The following NRP1 variants were observed in gnomAD, a reference collection of about 807,000 sequenced individuals.
NRP1 encodes neuropilin 1, also known as neuropilin-1.
In NRP1, 35 loss-of-function variants were observed where a neutral mutation model predicts 106.7. That is an observed-to-expected ratio of 0.33 (90% CI 0.25 to 0.43). The LOEUF is 0.43. NRP1 is among the 20% of genes least tolerant of loss of function. The pLI is 1.00. For missense variants in NRP1, 1,024 were observed against 1,170.4 expected, an observed-to-expected ratio of 0.87 and a Z score of 1.83; for synonymous variants, 437 against 417.9, an observed-to-expected ratio of 1.05 and a Z score of -0.56.
intron 3 of NRP1, among the ~76,000 whole-genome samples, chr10:33,270,469 G>A (rs1420167093): frequency 6.6e-6 from 1 of 151,956 alleles, no homozygotes; most frequent in Non-Finnish European, 1.5e-5. Context: ...TGGGATTACT[G>A]GCATATGCCA....
At chr10:33,181,575 T>C in intron 16 of NRP1, among the ~76,000 whole-genome samples, 1 of 152,222 alleles carries the variant, frequency 6.6e-6, no homozygotes, top group Admixed American at 6.5e-5. Flanking sequence ...CAATGCTGGC[T>C]GGGAGATCTG....
At chr10:33,214,511 C>G (rs1392963792) in intron 8 of NRP1, among the ~76,000 whole-genome samples, 1 of 152,158 alleles carries the variant, frequency 6.6e-6, no homozygotes, top group Non-Finnish European at 1.5e-5. Context: ...CTTGTTGCTA[C>G]CTTCCTTTCT....
intron 2 of NRP1, among the ~76,000 whole-genome samples, chr10:33,308,152 G>C (rs1459797563): frequency 6.6e-6 from 1 of 152,154 alleles, no homozygotes; most frequent in East Asian, 1.9e-4. Context: ...ATTTATAAGT[G>C]GGAGCTAAAC....
At chr10:33,182,498 C>T (rs1835748250) in intron 16 of NRP1, among the ~76,000 whole-genome samples, 200 bp downstream of exon 16, 1 of 152,094 alleles carries the variant, frequency 6.6e-6, no homozygotes, top group African/African-American at 2.4e-5. Context: ...CGAGGCTCCC[C>T]AAGTCTTATG....
chr10:33,298,433 A>G (rs1049910805), intron 2 of NRP1, among the ~76,000 whole-genome samples: 1 of 152,152 alleles, frequency 6.6e-6, no homozygotes, highest in African/African-American at 2.4e-5. Context: ...CTGGAAGACG[A>G]TGGGCCCATT....
chr10:33,180,849 G>C (rs1217766747), intron 16 of NRP1, among the ~76,000 whole-genome samples: 1 of 152,292 alleles, frequency 6.6e-6, no homozygotes, highest in Non-Finnish European at 1.5e-5. Flanking sequence ...GCATGTGTTT[G>C]TTCTCCCATA....
chr10:33,217,175 G>A (rs1456735331), intron 8 of NRP1, among the ~76,000 whole-genome samples: 1 of 152,154 alleles, frequency 6.6e-6, no homozygotes, highest in Non-Finnish European at 1.5e-5. Flanking sequence ...GGGACCAGAT[G>A]TTACCATTTG....
rs61760419 is a variant in NRP1, at chr10:33,207,593, G to A, written c.1738C>T (p.Leu580=). ...THGGLGLRME[L]LGCEVEAPTA... The stretch of plus-strand genomic sequence containing the variant: ...TTACCTTCCACTTCACAGCCCAGCA[G>A]CTCCATTCTGAGCCCCAGTCCGCCA... Residue 580 remains leucine, a synonymous_variant, in exon 10 of 17, where the codon CTG becomes TTG. Coordinates refer to ENST00000374867, the MANE Select transcript of NRP1 (RefSeq NM_003873.7). The A allele has an allele frequency of 4.4e-4, 716 of 1,614,196 alleles. 8 individuals are homozygous for A. The African/African-American group carries it at 8.5e-3, about 19-fold the overall frequency.
chr10:33,190,753 T>C (rs1302157845), intron 13 of NRP1, among the ~76,000 whole-genome samples: 1 of 152,134 alleles, frequency 6.6e-6, no homozygotes, highest in Admixed American at 6.5e-5. Flanking sequence ...AGTTCATGGA[T>C]TGGGCGTTTG....
In NRP1 at chr10:33,213,528, T is replaced by C. The variant is rs1564388155; in HGVS notation, c.1472A>G (p.Glu491Gly). Reference sequence around the variant, plus strand: ...GATGATGCCCCTCACGATCTTCTCCTCCCCCAGGTCTATTTGGAGCCACTC... The same window carrying C: ...GATGATGCCCCTCACGATCTTCTCCCCCCCCAGGTCTATTTGGAGCCACTC... Reference protein sequence around the residue: ...INEWLQIDLGEEKIVRGIIIQ... With the variant: ...INEWLQIDLGGEKIVRGIIIQ... The change falls in exon 9 of 17, where the codon GAG becomes GGG. Residue 491 changes from glutamate (E) to glycine (G), a missense_variant. Glu to Gly is a moderately conservative substitution (Grantham distance 98). Transcript: ENST00000374867. The C allele has an allele frequency of 6.2e-7, 1 of 1,613,852 alleles. No individual in the cohort carries two copies. The highest frequency in any genetic ancestry group is 8.5e-7 in the Non-Finnish European group (1 of 1,179,962).
chr10:33,242,910 T>G (rs1564415580), intron 6 of NRP1, among the ~76,000 whole-genome samples: 1 of 152,226 alleles, frequency 6.6e-6, no homozygotes, highest in Non-Finnish European at 1.5e-5. Context: ...GTTAGTATTA[T>G]GGCCTACAAA....
rs746998077 is a variant in NRP1 at position 33,263,682 on chromosome 10, A to G, written c.622T>C (p.Tyr208His). 6.2e-7 allele frequency: 1 copy of G among 1,614,100 alleles called. No homozygotes were observed. The highest frequency in any genetic ancestry group is 1.7e-5 in the Admixed American group (1 of 60,026). Residue 208 changes from tyrosine to histidine, a missense_variant, in exon 4 of 17, where the codon TAC (tyrosine) becomes CAC (histidine). Coordinates refer to ENST00000374867, the MANE Select transcript of NRP1 (RefSeq NM_003873.7). The stretch of plus-strand genomic sequence containing the variant: ...CCATCCCAGATTTCTAGCCGGTCGT[A>G]GCGACAGAACATCCCCCCTGGAGGA... ...SNPPGGMFCRYDRLEIWDGFP... is the reference protein window; with the variant it reads ...SNPPGGMFCRHDRLEIWDGFP...
intron 2 of NRP1, among the ~76,000 whole-genome samples, chr10:33,295,744 TG>T (rs1343615829): frequency 5.9e-5 from 9 of 152,144 alleles, no homozygotes; most frequent in African/African-American, 2.2e-4. Context: ...TATTATATTT[TG>T]GGGGTACACC....
Position 33,200,688 on chromosome 10 carries a change from T to C in NRP1, c.1864+2203A>G, listed in dbSNP as rs187235512. ...CCTATGCCAGAATTAGCAAAAAGGA[T>C]GCAAAATTGCTTGTGAGCATAGGAG... On this transcript the variant is annotated intron_variant, in intron 11 of 16. Coordinates refer to ENST00000374867, the MANE Select transcript of NRP1 (RefSeq NM_003873.7). Among the ~76,000 whole-genome samples the C allele has an allele frequency of 2.6e-5, 4 of 152,346 alleles. No homozygotes were observed. In the East Asian group the frequency reaches 7.7e-4, roughly 29 times the overall value.
intron 6 of NRP1, among the ~76,000 whole-genome samples, chr10:33,238,648 GA>G (rs1216855650): frequency 6.6e-6 from 1 of 152,140 alleles, no homozygotes; most frequent in Admixed American, 6.5e-5. Context: ...GCATATGGTG[GA>G]AAAAAGCACA....
chr10:33,257,712 T>A (rs558399096), intron 4 of NRP1, among the ~76,000 whole-genome samples: 1 of 152,204 alleles, frequency 6.6e-6, no homozygotes, highest in Admixed American at 6.5e-5. Flanking sequence ...ACCCTGGCAA[T>A]GAGTAAACTG....
chr10:33,232,978 C>T (rs550164822), intron 6 of NRP1, among the ~76,000 whole-genome samples: 161 of 152,122 alleles, frequency 1.1e-3, no homozygotes, highest in African/African-American at 3.7e-3. Flanking sequence ...TAATACATAG[C>T]GCCGTTGGCA....
intron 2 of NRP1, among the ~76,000 whole-genome samples, chr10:33,315,922 A>G (rs1202073514): frequency 6.6e-6 from 1 of 152,222 alleles, no homozygotes; most frequent in African/African-American, 2.4e-5. Flanking sequence ...AGCTTCAAGA[A>G]CTAGAAAGTG....
At chr10:33,194,588 T>C (rs1483895908) in intron 12 of NRP1, 2 of 368,242 alleles carry the variant, frequency 5.4e-6, no homozygotes, top group African/African-American at 4.2e-5. Flanking sequence ...TACCTTCCAA[T>C]GTCCTTCCCC....
Sources: allele counts gnomAD v4.1 joint callset (sites outside exome capture counted in the v4.1 genomes callset), GRCh38; gene constraint gnomAD v4.1.1; transcripts MANE v1.5; gene names NCBI Gene and HGNC (gene_info 2026-07-23, HGNC 2026-07-21).